BFAR: variants seen among roughly 807,000 people sequenced by gnomAD.
BFAR encodes the protein RING finger protein 47.
BFAR carries 52 observed loss-of-function variants against 54.4 expected under a neutral mutation model. The observed-to-expected ratio is 0.96, with a 90% confidence interval of 0.77 to 1.21. BFAR has a LOEUF of 1.21. Ranked by LOEUF, BFAR falls within the 50% of genes most tolerant of loss-of-function variation. BFAR has a pLI of 0.00. For synonymous variants in BFAR, 215 were observed against 204.3 expected, an observed-to-expected ratio of 1.05 and a Z score of -0.45; for missense variants, 571 against 534.0, an observed-to-expected ratio of 1.07 and a Z score of -0.68.
chr16:14,666,916 G>A (rs762421335), intron 7 of BFAR, among the ~76,000 whole-genome samples: 4 of 152,024 alleles, frequency 2.6e-5, no homozygotes, highest in East Asian at 1.9e-4. Flanking sequence ...AAATATGTAC[G>A]TTAAAAAATA....
At chr16:14,648,283 G>T in intron 2 of BFAR, 105 bp from the exon 3 acceptor site, 1 of 835,080 alleles carries the variant, frequency 1.2e-6, no homozygotes, top group Non-Finnish European at 1.9e-6. Context: ...AGTTCTCCTA[G>T]GGTAGCTATA....
intron 7 of BFAR, chr16:14,667,317 G>A (rs1960468596): frequency 6.1e-6 from 2 of 328,372 alleles, no homozygotes; most frequent in Middle Eastern, 8.7e-4. Context: ...CTCCCAGGCT[G>A]GACAAAGGAA....
At chr16:14,647,817 G>C (rs1215594733) in intron 2 of BFAR, among the ~76,000 whole-genome samples, 1 of 152,120 alleles carries the variant, frequency 6.6e-6, no homozygotes, top group Non-Finnish European at 1.5e-5. Flanking sequence ...CACATTTAGT[G>C]ATCCAGCAAA....
Position 14,644,565 on chromosome 16 carries a change from C to T in BFAR, c.219C>T (p.Cys73=), listed in dbSNP as rs956632858. 6.2e-7 allele frequency: 1 copy of T among 1,613,628 alleles called. No homozygotes were observed. Residue 73 remains cysteine (C), a synonymous_variant, in exon 2 of 8, where the codon TGC becomes TGT. Transcript: ENST00000261658. ...ASSKKTECPE[C]REKWEGFPKV... is the part of the protein sequence containing the mutation. The stretch of plus-strand genomic sequence containing the variant: ...CAAAGAAAACAGAATGTCCAGAATG[C>T]AGAGAAAAATGGGAAGGTTTCCCCA...
At chr16:14,643,293 G>A (rs1449116475) in intron 1 of BFAR, among the ~76,000 whole-genome samples, 4 of 151,696 alleles carry the variant, frequency 2.6e-5, no homozygotes, top group African/African-American at 7.3e-5. Context: ...CTGGCTGATA[G>A]AGTGAGACTT....
chr16:14,662,450 A>G (rs1762876193), intron 6 of BFAR, among the ~76,000 whole-genome samples: 1 of 152,036 alleles, frequency 6.6e-6, no homozygotes, highest in South Asian at 2.1e-4. Flanking sequence ...TTCCTCCCCT[A>G]ATTACCCAGT....
intron 2 of BFAR, among the ~76,000 whole-genome samples, chr16:14,647,951 A>G (rs1024414363): frequency 2.6e-5 from 4 of 151,910 alleles, no homozygotes; most frequent in Non-Finnish European, 5.9e-5. Flanking sequence ...CATTGAAAGT[A>G]ATGGTAGGCT....
chr16:14,647,927 A>G (rs1489765219), intron 2 of BFAR, among the ~76,000 whole-genome samples: 1 of 152,012 alleles, frequency 6.6e-6, no homozygotes, highest in Non-Finnish European at 1.5e-5. Flanking sequence ...TGCACAAGTA[A>G]TTGCAGTTTT....
rs574305850 is a variant in BFAR at position 14,647,063 on chromosome 16, C to T, written c.264-1325C>T. Among the ~76,000 whole-genome samples the T allele has an allele frequency of 2.0e-5, 3 of 152,150 alleles. No individual in the cohort carries two copies. In the South Asian group the frequency reaches 6.2e-4, roughly 32 times the overall value. On this transcript the variant is annotated intron_variant, in intron 2 of 7. Transcript: ENST00000261658. ...CAGTGCTGAGATTACAGGCGTGAGC[C>T]ACTACACCCAGCCTCAGATTTTTCA...
At chr16:14,665,865 A>T (rs771565969) in intron 7 of BFAR, among the ~76,000 whole-genome samples, 5 of 152,144 alleles carry the variant, frequency 3.3e-5, no homozygotes, top group Non-Finnish European at 7.4e-5. Flanking sequence ...GCATAAAGAG[A>T]TCTCATGGGA....
intron 1 of BFAR, 36 bp from the exon 2 acceptor site, chr16:14,644,238 A>G: frequency 1.8e-6 from 2 of 1,115,810 alleles, no homozygotes; most frequent in South Asian, 1.5e-5. Context: ...AACAACTACT[A>G]TTTGCCTTAT....
intron 1 of BFAR, among the ~76,000 whole-genome samples, chr16:14,643,246 G>A (rs1028349375): frequency 1.3e-5 from 2 of 152,182 alleles, no homozygotes; most frequent in Admixed American, 1.3e-4. Context: ...GCAGGCAGAG[G>A]TTGACGTGAG....
At chr16:14,662,840 T>C (rs149785766) in intron 6 of BFAR, among the ~76,000 whole-genome samples, 424 of 152,216 alleles carry the variant, frequency 2.8e-3, no homozygotes, top group African/African-American at 8.9e-3. Context: ...TCCGGGAGCG[T>C]CGGCAAGACT....
At chr16:14,656,970 G>A (rs946402128) in intron 5 of BFAR, among the ~76,000 whole-genome samples, 1 of 151,948 alleles carries the variant, frequency 6.6e-6, no homozygotes, top group Non-Finnish European at 1.5e-5. Context: ...AGGTGTGGTG[G>A]TGCATGCCTA....
chr16:14,646,963 G>A (rs570568450), intron 2 of BFAR, among the ~76,000 whole-genome samples: 1 of 151,604 alleles, frequency 6.6e-6, no homozygotes, highest in African/African-American at 2.4e-5. Context: ...TTTTAGTAGC[G>A]ATCAGGTCTC....
chr16:14,663,379 T>C (rs1331923487), intron 6 of BFAR, among the ~76,000 whole-genome samples: 1 of 151,968 alleles, frequency 6.6e-6, no homozygotes, highest in African/African-American at 2.4e-5. Flanking sequence ...TCGCCCAGGC[T>C]GGAGTGCAGT....
Position 14,667,620 on chromosome 16 carries a change from CTCT to C in BFAR, c.1161-10_1161-8del, listed in dbSNP as rs752812462. 1.9e-5 allele frequency: 30 copies of C among 1,610,270 alleles called. No individual in the cohort carries two copies. The highest frequency in any genetic ancestry group is 1.7e-4 in the Middle Eastern group (1 of 5,760). ...AGAAGCGCCTCCGATTCAGCCTCTT[CTCT>C]TCTTGTTTCAGGACCGTGCCTCAGA... On this transcript the variant is annotated splice_polypyrimidine_tract_variant and intron_variant, in intron 7 of 7. Coordinates refer to ENST00000261658, the MANE Select transcript of BFAR (RefSeq NM_016561.3).
chr16:14,667,021 C>T (rs1049090722), intron 7 of BFAR, among the ~76,000 whole-genome samples: 1 of 152,078 alleles, frequency 6.6e-6, no homozygotes, highest in Non-Finnish European at 1.5e-5. Context: ...GCCTGGGCAA[C>T]GTGGCAAAAC....
At chr16:14,645,668 G>A (rs1959771022) in intron 2 of BFAR, among the ~76,000 whole-genome samples, 1 of 152,154 alleles carries the variant, frequency 6.6e-6, no homozygotes, top group East Asian at 1.9e-4. Context: ...TTACCTGTCA[G>A]TCTTGATTTA....
Sources: allele counts gnomAD v4.1 joint callset (sites outside exome capture counted in the v4.1 genomes callset), GRCh38; gene constraint gnomAD v4.1.1; transcripts MANE v1.5; gene names NCBI Gene and HGNC (gene_info 2026-07-23, HGNC 2026-07-21).